Variants in CACNB4 observed in about 807,000 individuals in gnomAD.
CACNB4 encodes voltage-dependent L-type calcium channel subunit beta-4.
Under a neutral mutation model 71.2 loss-of-function variants are expected in CACNB4, and 32 were observed. The ratio of observed to expected loss-of-function variants is 0.45; its 90% CI spans 0.34 to 0.60. The LOEUF is 0.60. CACNB4 is among the 20% of genes least tolerant of loss of function. The pLI, the probability that CACNB4 is intolerant of heterozygous loss-of-function variation, is 0.01. For missense variants in CACNB4, 464 were observed against 647.9 expected (o/e 0.72, Z 3.08); for synonymous variants, 231 against 236.9 (o/e 0.97, Z 0.23).
chr2:152,001,359 T>C (rs1396401377), intron 2 of CACNB4, among the ~76,000 whole-genome samples: 2 of 151,244 alleles, frequency 1.3e-5, no homozygotes, highest in Non-Finnish European at 2.9e-5. Flanking sequence ...TGTACCTGAA[T>C]AAAACCACCA....
At chr2:152,019,738 A>G (rs1407823739) in intron 2 of CACNB4, among the ~76,000 whole-genome samples, 1 of 152,256 alleles carries the variant, frequency 6.6e-6, no homozygotes, top group African/African-American at 2.4e-5. Flanking sequence ...GTGTGTGTGC[A>G]TACACATAAT....
At chr2:151,908,660 T>C (rs2099855391) in intron 2 of CACNB4, among the ~76,000 whole-genome samples, 2 of 152,232 alleles carry the variant, frequency 1.3e-5, no homozygotes, top group Non-Finnish European at 2.9e-5. Context: ...TAACATACTT[T>C]AAGAATTTGA....
chr2:151,901,481 T>C (rs766592536), intron 2 of CACNB4, among the ~76,000 whole-genome samples: 2 of 152,194 alleles, frequency 1.3e-5, no homozygotes, highest in African/African-American at 2.4e-5. Flanking sequence ...CTTAATATTT[T>C]GTGGAAAGGT....
At chr2:151,963,835 A>G (rs2099870275) in intron 2 of CACNB4, among the ~76,000 whole-genome samples, 1 of 152,134 alleles carries the variant, frequency 6.6e-6, no homozygotes, top group Non-Finnish European at 1.5e-5. Flanking sequence ...TGGGAGGCCG[A>G]GGCAGGTGGA....
chr2:151,899,478 C>G (rs1297560006), intron 2 of CACNB4, among the ~76,000 whole-genome samples: 1 of 152,186 alleles, frequency 6.6e-6, no homozygotes, highest in African/African-American at 2.4e-5. Context: ...AGTTGGTACT[C>G]AACATTCTTG....
intron 2 of CACNB4, among the ~76,000 whole-genome samples, chr2:151,931,695 G>A (rs2099861676): frequency 6.6e-6 from 1 of 152,124 alleles, no homozygotes; most frequent in South Asian, 2.1e-4. Flanking sequence ...AGATATTCCT[G>A]TAACTGTTAA....
chr2:151,939,228 T>G (rs2099863676), intron 2 of CACNB4, among the ~76,000 whole-genome samples: 1 of 152,226 alleles, frequency 6.6e-6, no homozygotes, highest in African/African-American at 2.4e-5. Context: ...GATTGTGTTT[T>G]TATACACCAT....
chr2:151,934,496 C>G (rs774255941), intron 2 of CACNB4, among the ~76,000 whole-genome samples: 44 of 152,238 alleles, frequency 2.9e-4, no homozygotes, highest in Non-Finnish European at 5.1e-4. Flanking sequence ...ATAAGTAACT[C>G]AGCTAAAGTC....
intron 2 of CACNB4, among the ~76,000 whole-genome samples, chr2:152,008,658 A>G (rs1397074315): frequency 2.6e-5 from 4 of 152,148 alleles, no homozygotes; most frequent in African/African-American, 9.7e-5. Context: ...ACTGTGATAT[A>G]TAATTTATCT....
intron 2 of CACNB4, among the ~76,000 whole-genome samples, chr2:151,959,728 G>A (rs998447942): frequency 1.3e-5 from 2 of 151,824 alleles, no homozygotes; most frequent in East Asian, 3.9e-4. Flanking sequence ...TTTGGAATGT[G>A]GGAGGAACAA....
chr2:152,022,486 T>G (rs1402393525), intron 2 of CACNB4, among the ~76,000 whole-genome samples: 1 of 152,222 alleles, frequency 6.6e-6, no homozygotes, highest in Non-Finnish European at 1.5e-5. Flanking sequence ...TAATCCCTAT[T>G]GCTACAATTT....
At chr2:151,918,449 G>C (rs1234150623) in intron 2 of CACNB4, among the ~76,000 whole-genome samples, 2 of 152,144 alleles carry the variant, frequency 1.3e-5, no homozygotes, top group African/African-American at 4.8e-5. Context: ...TGCTAGCTTA[G>C]CAGAAAGCTG....
At chr2:151,855,044 AACT>A in intron 11 of CACNB4, 177 bp downstream of exon 11, 1 of 417,154 alleles carries the variant, frequency 2.4e-6, no homozygotes, top group Non-Finnish European at 4.2e-6. Context: ...AGAAGAAATG[AACT>A]ATTATATTCT....
chr2:151,913,336 C>T (rs1377796759), intron 2 of CACNB4, among the ~76,000 whole-genome samples: 1 of 152,148 alleles, frequency 6.6e-6, no homozygotes, highest in African/African-American at 2.4e-5. Context: ...GTGCTTCTCT[C>T]AGGAACTCTT....
Position 151,841,922 on chromosome 2 carries a change from G to GT in CACNB4, c.1282dup (p.Thr428AsnfsTer24). The GT allele has an allele frequency of 6.2e-7, 1 of 1,613,748 alleles. No individual in the cohort carries two copies. Among genetic ancestry groups the GT allele is most frequent in the South Asian group, 1.1e-5 (1 of 91,000 alleles). On this transcript the variant is annotated frameshift_variant, in exon 13 of 14. Coordinates refer to ENST00000539935, the MANE Select transcript of CACNB4 (RefSeq NM_000726.5). LOFTEE classifies it high-confidence loss of function. ...CAATACCTGTAACCCAGAAATTGCT[G>GT]TGGGATATGGTGAGAGTGCCGTGGA...
chr2:152,018,284 G>C (rs890541527), intron 2 of CACNB4, among the ~76,000 whole-genome samples: 9 of 152,106 alleles, frequency 5.9e-5, no homozygotes, highest in South Asian at 4.2e-4. Context: ...GAAAAGGGAG[G>C]GAGGAGGCAA....
chr2:151,924,073 C>CTTTTTTTTTTTT (rs59036016), intron 2 of CACNB4, among the ~76,000 whole-genome samples: 4 of 91,450 alleles, frequency 4.4e-5, no homozygotes, highest in Non-Finnish European at 7.8e-5. Flanking sequence ...ATTCTGAAAT[C>CTTTTTTTTTTTT]TTTTTTTTTT....
chr2:151,916,928 C>A (rs2099857677), intron 2 of CACNB4, among the ~76,000 whole-genome samples: 1 of 152,222 alleles, frequency 6.6e-6, no homozygotes, highest in South Asian at 2.1e-4. Flanking sequence ...CCCAACCAAT[C>A]ATTATCTAGT....
intron 2 of CACNB4, among the ~76,000 whole-genome samples, chr2:151,961,480 G>T (rs2099869627): frequency 6.6e-6 from 1 of 152,202 alleles, no homozygotes; most frequent in South Asian, 2.1e-4. Flanking sequence ...TTAAAACCCA[G>T]GAGACTGATT....
Sources: gnomAD v4.1 joint callset for allele counts (sites outside exome capture counted in the v4.1 genomes callset) on GRCh38, gnomAD v4.1.1 for gene constraint, MANE v1.5 for transcripts, NCBI Gene and HGNC (gene_info 2026-07-23, HGNC 2026-07-21) for gene names.